VPS41: variants seen among roughly 807,000 people sequenced by gnomAD.
The protein encoded by VPS41 is VPS41 subunit of HOPS complex, also known as vacuolar protein sorting-associated protein 41 homolog.
In VPS41, 85 loss-of-function variants were observed where a neutral mutation model predicts 130.9. The ratio of observed to expected loss-of-function variants is 0.65; its 90% confidence interval spans 0.55 to 0.78. The LOEUF is 0.78. Among genes scored for constraint, VPS41 ranks in the 30% least tolerant of loss-of-function variants. The pLI, the probability that VPS41 is intolerant of heterozygous loss-of-function variation, is 0.00. For synonymous variants in VPS41, 335 were observed against 332.9 expected (o/e 1.01, Z -0.07); for missense variants, 874 against 1,018.7 (o/e 0.86, Z 1.93).
chr7:38,759,875 G>A (rs1562575445), intron 17 of VPS41, among the ~76,000 whole-genome samples: 4 of 152,114 alleles, frequency 2.6e-5, no homozygotes, highest in Non-Finnish European at 5.9e-5. Context: ...ACAACTGACC[G>A]TGGCAGTCTG....
At chr7:38,798,141 T>C (rs1472845193) in intron 7 of VPS41, among the ~76,000 whole-genome samples, 1 of 152,048 alleles carries the variant, frequency 6.6e-6, no homozygotes, top group Non-Finnish European at 1.5e-5. Context: ...TTCGGGAGTG[T>C]CCCCAGACTG....
chr7:38,873,804 T>G (rs1194076611), intron 2 of VPS41, among the ~76,000 whole-genome samples: 2 of 152,218 alleles, frequency 1.3e-5, no homozygotes, highest in African/African-American at 2.4e-5. Flanking sequence ...TACAGAATTC[T>G]AAACACTATC....
At chr7:38,756,585 A>G (rs1458928556) in intron 19 of VPS41, among the ~76,000 whole-genome samples, 16 of 152,222 alleles carry the variant, frequency 1.1e-4, no homozygotes. Flanking sequence ...TTATATGCGC[A>G]CACACACAAC....
At chr7:38,900,803 T>C (rs35750507) in intron 1 of VPS41, among the ~76,000 whole-genome samples, 5,919 of 152,228 alleles carry the variant, frequency 0.039, 146 homozygotes, top group South Asian at 0.058. Flanking sequence ...AGACAGGCGA[T>C]CTCAAAAAAA....
At chr7:38,859,247 T>C (rs577955043) in intron 4 of VPS41, among the ~76,000 whole-genome samples, 4 of 152,292 alleles carry the variant, frequency 2.6e-5, no homozygotes, top group African/African-American at 7.2e-5. Flanking sequence ...AAAAAGTTTA[T>C]AAAGTAAAAA....
chr7:38,871,095 G>A (rs1786348424), intron 2 of VPS41, among the ~76,000 whole-genome samples: 3 of 152,050 alleles, frequency 2.0e-5, no homozygotes, highest in Non-Finnish European at 2.9e-5. Flanking sequence ...AGGAACAAGA[G>A]CAACATTTAA....
At chr7:38,787,532 A>G (rs1026604741) in intron 10 of VPS41, among the ~76,000 whole-genome samples, 2 of 152,320 alleles carry the variant, frequency 1.3e-5, no homozygotes, top group African/African-American at 4.8e-5. Flanking sequence ...TTATATTATT[A>G]TTATTTTTCA....
chr7:38,847,347 G>A (rs1352855768), intron 4 of VPS41, among the ~76,000 whole-genome samples: 1 of 151,836 alleles, frequency 6.6e-6, no homozygotes, highest in Non-Finnish European at 1.5e-5. Flanking sequence ...AAGATTCCTA[G>A]TCCACAGGGC....
intron 25 of VPS41, among the ~76,000 whole-genome samples, chr7:38,741,110 C>G (rs1322908548): frequency 6.6e-6 from 1 of 152,208 alleles, no homozygotes; most frequent in Non-Finnish European, 1.5e-5. Flanking sequence ...AGGCAGACCT[C>G]TACTTTGCAA....
At chr7:38,743,659 T>G (rs978426620) in intron 23 of VPS41, 117 bp from the exon 24 acceptor site, 7 of 1,181,226 alleles carry the variant, frequency 5.9e-6, no homozygotes, top group Non-Finnish European at 8.3e-6. Context: ...CAAGGCTATT[T>G]TCTCATGTGA....
chr7:38,896,441 C>T (rs1046171696), intron 2 of VPS41, among the ~76,000 whole-genome samples: 3 of 152,216 alleles, frequency 2.0e-5, no homozygotes, highest in Non-Finnish European at 4.4e-5. Flanking sequence ...TAATACATAA[C>T]AAGCTTGTCC....
At chr7:38,776,056 A>G (rs1471179012) in intron 11 of VPS41, among the ~76,000 whole-genome samples, 2 of 152,094 alleles carry the variant, frequency 1.3e-5, no homozygotes, top group African/African-American at 4.8e-5. Flanking sequence ...TCAAAGGGAG[A>G]CTGGGTGTGG....
At chr7:38,760,346 T>C (rs1207896349) in intron 17 of VPS41, among the ~76,000 whole-genome samples, 2 of 152,230 alleles carry the variant, frequency 1.3e-5, no homozygotes, top group East Asian at 3.9e-4. Flanking sequence ...AACTGAGTCA[T>C]GCAAAAATTG....
chr7:38,775,708 G>A (rs1269306355), intron 11 of VPS41: 1 of 152,024 alleles, frequency 6.6e-6, no homozygotes, highest in Non-Finnish European at 1.5e-5. Context: ...AGAGCTTCAG[G>A]TTACTATAGT....
intron 24 of VPS41, among the ~76,000 whole-genome samples, chr7:38,742,521 G>T (rs1334699951): frequency 2.6e-5 from 4 of 152,162 alleles, no homozygotes; most frequent in Non-Finnish European, 5.9e-5. Context: ...TACAGACAAG[G>T]GAAATGGGGT....
At chr7:38,896,561 T>C (rs1786998359) in intron 2 of VPS41, among the ~76,000 whole-genome samples, 1 of 152,248 alleles carries the variant, frequency 6.6e-6, no homozygotes, top group Non-Finnish European at 1.5e-5. Context: ...CAATTTTTTT[T>C]AGCTCATCAG....
chr7:38,774,482 T>C (rs1182823108), intron 11 of VPS41, among the ~76,000 whole-genome samples: 2 of 151,332 alleles, frequency 1.3e-5, no homozygotes, highest in African/African-American at 2.4e-5. Flanking sequence ...CTATAAAAGA[T>C]CAACTAGTGA....
At chr7:38,873,064 C>T (rs10229055) in intron 2 of VPS41, among the ~76,000 whole-genome samples, 147,910 of 152,312 alleles carry the variant, frequency 0.97, 71,860 homozygotes, top group East Asian at 1. Context: ...AATAAGGTTT[C>T]CCTGTCTTAC....
intron 6 of VPS41, 104 bp downstream of exon 6, chr7:38,821,099 T>C: frequency 1.2e-6 from 1 of 830,866 alleles, no homozygotes; most frequent in Non-Finnish European, 2.0e-6. Context: ...AACAGACACT[T>C]ACTGACAAAA....
Sources: allele counts gnomAD v4.1 joint callset (sites outside exome capture counted in the v4.1 genomes callset), GRCh38; gene constraint gnomAD v4.1.1; transcripts MANE v1.5; gene names NCBI Gene and HGNC (gene_info 2026-07-23, HGNC 2026-07-21).